AP2B1: variants seen among roughly 807,000 people sequenced by gnomAD.
The protein encoded by AP2B1 is adaptor related protein complex 2 subunit beta 1, also known as AP-2 complex subunit beta.
A neutral mutation model predicts 102.0 loss-of-function variants in AP2B1; 23 were observed. The ratio of observed to expected loss-of-function variants is 0.23; its 90% confidence interval spans 0.16 to 0.32. AP2B1 has a LOEUF of 0.32. Among genes scored for constraint, AP2B1 ranks in the 10% least tolerant of loss-of-function variants. AP2B1 has a pLI of 1.00. For synonymous variants in AP2B1, 381 were observed against 421.2 expected, an observed-to-expected ratio of 0.90 and a Z score of 1.17; for missense variants, 541 against 1,157.4, an observed-to-expected ratio of 0.47 and a Z score of 7.73.
rs184135057 is a variant in AP2B1 at position 35,703,068 on chromosome 17, C to T, written c.2455-6156C>T. ...CAGGTGGATCATGAGGTCAGGAGATCGAGACCATCCTGGCCAACACGGTGA... is the reference window on the plus strand; with the variant it reads ...CAGGTGGATCATGAGGTCAGGAGATTGAGACCATCCTGGCCAACACGGTGA... On this transcript the variant is annotated intron_variant, in intron 18 of 21. Transcript: ENST00000610402. Among the ~76,000 whole-genome samples the T allele has an allele frequency of 9.6e-3, 1,462 of 151,552 alleles. 24 individuals carry two copies. The highest frequency in any genetic ancestry group is 0.033 in the African/African-American group (1,352 of 41,294).
chr17:35,717,143 ATTTG>A, intron 20 of AP2B1, 48 bp from the exon 21 acceptor site: 2 of 1,594,398 alleles, frequency 1.3e-6, no homozygotes, highest in Non-Finnish European at 1.7e-6. Context: ...GAGAGTGTAC[ATTTG>A]TTTGAGATTT....
At chr17:35,645,017 G>T (rs967135488) in intron 12 of AP2B1, among the ~76,000 whole-genome samples, 1 of 151,000 alleles carries the variant, frequency 6.6e-6, no homozygotes, top group Non-Finnish European at 1.5e-5. Flanking sequence ...GGGTAATACA[G>T]CAAGACTCTG....
chr17:35,615,905 G>A (rs1446513025), intron 5 of AP2B1, among the ~76,000 whole-genome samples: 1 of 152,046 alleles, frequency 6.6e-6, no homozygotes, highest in Non-Finnish European at 1.5e-5. Flanking sequence ...TTGCAGGATT[G>A]AAGTTTGGGT....
rs557406798 is a variant in AP2B1, at chr17:35,677,513, CG to C, written c.2324+3193del. The stretch of plus-strand genomic sequence containing the variant: ...TAAGAGTCAATGTAAAAACTTTTTC[CG>C]TAATAGGTCTTGAAATCAGATGGCC... On this transcript the variant is annotated intron_variant, in intron 17 of 21. Coordinates refer to ENST00000610402, the MANE Select transcript of AP2B1 (RefSeq NM_001030006.2). Among the ~76,000 whole-genome samples the C allele has an allele frequency of 7.9e-5, 12 of 152,036 alleles. No individual in the cohort carries two copies. The South Asian group carries it at 2.5e-3, about 32-fold the overall frequency.
intron 9 of AP2B1, among the ~76,000 whole-genome samples, chr17:35,633,381 G>A (rs992429005): frequency 5.3e-5 from 8 of 149,852 alleles, no homozygotes; most frequent in Non-Finnish European, 7.4e-5. Context: ...ACAGACTGCA[G>A]AATCATTTCA....
chr17:35,662,107 C>T (rs2075369909), intron 14 of AP2B1, among the ~76,000 whole-genome samples: 1 of 152,044 alleles, frequency 6.6e-6, no homozygotes. Flanking sequence ...TAGGGTGGGC[C>T]ATTGCTGTGA....
intron 9 of AP2B1, among the ~76,000 whole-genome samples, chr17:35,635,907 G>A (rs566434129): frequency 1.3e-5 from 2 of 151,348 alleles, no homozygotes; most frequent in African/African-American, 2.4e-5. Flanking sequence ...CAGGCTGGTC[G>A]CAAACCCCTG....
intron 2 of AP2B1, chr17:35,596,765 G>C (rs1489098856): frequency 5.3e-6 from 3 of 569,568 alleles, no homozygotes. Flanking sequence ...CGAGTACAGC[G>C]CCCGCAGCTG....
chr17:35,626,825 C>T lies in AP2B1; in HGVS notation c.921C>T (p.Asn307=). 1 of 1,613,914 alleles carries T rather than the reference C, an allele frequency of 6.2e-7. No individual in the cohort carries two copies. Among genetic ancestry groups the T allele is most frequent in the Admixed American group, 1.7e-5 (1 of 60,000 alleles). ...EVQYVALRNI[N]LIVQKRPEIL... ...AGTATGTCGCCCTGAGGAACATCAA[C>T]TTAATTGTCCAGAAAAGGTTGGGAA... is the stretch of plus-strand genomic sequence containing the variant. The change falls in exon 7 of 22, where the codon AAC becomes AAT. Residue 307 remains asparagine, a synonymous_variant. Transcript: ENST00000610402.
chr17:35,638,500 T>C (rs2074672883), intron 10 of AP2B1, among the ~76,000 whole-genome samples: 1 of 152,018 alleles, frequency 6.6e-6, no homozygotes, highest in South Asian at 2.1e-4. Context: ...AAGAAAGATC[T>C]CTTTGGGGCC....
chr17:35,704,703 T>C (rs1350301385), intron 18 of AP2B1, among the ~76,000 whole-genome samples: 1 of 152,162 alleles, frequency 6.6e-6, no homozygotes, highest in Non-Finnish European at 1.5e-5. Flanking sequence ...TTCCAGACAG[T>C]GCTAAGCTTA....
Position 35,723,857 on chromosome 17 carries a change from G to A in AP2B1, c.*158G>A. 1.8e-6 allele frequency: 1 copy of A among 544,122 alleles called. No individual in the cohort carries two copies. Among genetic ancestry groups the A allele is most frequent in the Non-Finnish European group, 3.3e-6 (1 of 299,722 alleles). The allele number at this position is 544,122 out of a possible 1,614,324, so 33.7% of individuals were successfully genotyped here. A position where few individuals can be genotyped will look rare whatever the true frequency, so the allele number is the denominator to read the frequency against. On this transcript the variant is annotated 3_prime_UTR_variant, in exon 22 of 22. Transcript: ENST00000610402. ...CTGTGCTAACATTAGGGCACAACCT[G>A]TTGGATAGTTTTAGCTTCCTGTGAA...
intron 12 of AP2B1, among the ~76,000 whole-genome samples, chr17:35,646,416 C>T (rs1257721959): frequency 6.6e-6 from 1 of 152,042 alleles, no homozygotes; most frequent in Non-Finnish European, 1.5e-5. Flanking sequence ...CTTCCCTACT[C>T]CTGACTTTTC....
chr17:35,723,585 A>G (rs782002419), intron 21 of AP2B1, 40 bp from the exon 22 acceptor site: 8 of 1,426,160 alleles, frequency 5.6e-6, no homozygotes, highest in South Asian at 1.1e-5. Flanking sequence ...GCTAATGCCA[A>G]CCTCTGTGCT....
At chr17:35,645,440 ATTAG>A (rs984910248) in intron 12 of AP2B1, among the ~76,000 whole-genome samples, 12 of 152,220 alleles carry the variant, frequency 7.9e-5, no homozygotes, top group African/African-American at 1.7e-4. Flanking sequence ...TAAAAATATT[ATTAG>A]TTAGGGGGAA....
Position 35,605,857 on chromosome 17 carries a change from C to A in AP2B1, c.279+17C>A. On this transcript the variant is annotated intron_variant, in intron 4 of 21. Transcript: ENST00000610402. ...TTTGTGAAGGTAACTTTTCCCAAGG[C>A]CTCAATAACAGAGTTTGAATTGCAA... 6.2e-7 allele frequency: 1 copy of A among 1,605,392 alleles called. No individual in the cohort carries two copies.
At chr17:35,711,250 G>A (rs1555587326) in intron 20 of AP2B1, among the ~76,000 whole-genome samples, 1 of 151,948 alleles carries the variant, frequency 6.6e-6, no homozygotes, top group Non-Finnish European at 1.5e-5. Context: ...ATGAAAGTGA[G>A]CCTTGGTGCT....
At position 35,692,155 on chromosome 17, in the gene AP2B1, T is replaced by C. The variant is rs587747464; in HGVS notation, c.2454+9331T>C. 5.9e-5 allele frequency among the ~76,000 whole-genome samples: 9 copies of C among 152,324 alleles called. No individual in the cohort carries two copies. The South Asian group carries it at 1.5e-3, about 25-fold the overall frequency. ...TTCCATATTCTGATAAGCAAAGGTG[T>C]CTGATGGATCAGAAATCTGTCCTCA... On this transcript the variant is annotated intron_variant, in intron 18 of 21. Transcript: ENST00000610402.
intron 3 of AP2B1, among the ~76,000 whole-genome samples, chr17:35,600,708 A>G (rs1274613921): frequency 6.6e-6 from 1 of 152,226 alleles, no homozygotes. Context: ...GTTTATTCTT[A>G]TTTTAATGGA....
Sources: gnomAD v4.1 joint callset for allele counts (sites outside exome capture counted in the v4.1 genomes callset) on GRCh38, gnomAD v4.1.1 for gene constraint, MANE v1.5 for transcripts, NCBI Gene and HGNC (gene_info 2026-07-23, HGNC 2026-07-21) for gene names.